Variants in ZNF85 observed in about 807,000 individuals in gnomAD.
ZNF85 encodes the protein zinc finger protein 85 (HPF4, HTF1).
Under a neutral mutation model 53.9 loss-of-function variants are expected in ZNF85, and 50 were observed. The observed-to-expected ratio is 0.93, with a 90% CI of 0.74 to 1.17. The LOEUF (loss-of-function observed/expected upper bound fraction) is 1.17. Among genes scored for constraint, ZNF85 ranks in the 50% most tolerant of loss-of-function variants. ZNF85 has a pLI of 0.00. For missense variants in ZNF85, 747 were observed against 688.5 expected (o/e 1.08, Z -0.95); for synonymous variants, 225 against 226.1 (o/e 1.00, Z 0.04).
intron 3 of ZNF85, among the ~76,000 whole-genome samples, chr19:20,940,003 C>T (rs111745507): frequency 0.012 from 1,806 of 151,670 alleles, 33 homozygotes; most frequent in African/African-American, 0.034. Flanking sequence ...GACCTCTTAG[C>T]TGATTTTCAG....
At chr19:20,945,293 T>A (rs1973393256) in intron 3 of ZNF85, among the ~76,000 whole-genome samples, 1 of 152,218 alleles carries the variant, frequency 6.6e-6, no homozygotes, top group East Asian at 1.9e-4. Context: ...ATTTTTTCCA[T>A]TTTGTAGCAC....
Position 20,950,407 on chromosome 19 carries a change from A to G in ZNF85, c.*105A>G. On this transcript the variant is annotated 3_prime_UTR_variant, in exon 4 of 4. Coordinates refer to ENST00000328178, the MANE Select transcript of ZNF85 (RefSeq NM_003429.5). ...GAAAGATGTGACAATAATTTTGACA[A>G]CACCTCAGACTTATAAAAGTAATCA... 1 of 783,352 alleles carries G rather than the reference A, an allele frequency of 1.3e-6. No individual in the cohort carries two copies. Among genetic ancestry groups the G allele is most frequent in the South Asian group, 2.6e-5 (1 of 38,192 alleles). 48.5% of individuals were successfully genotyped at this position (783,352 alleles called of 1,614,324 possible).
chr19:20,950,230 C>A lies in ZNF85; in HGVS notation c.1716C>A (p.Asp572Glu). 1 of 1,607,478 alleles carries A rather than the reference C, an allele frequency of 6.2e-7. No individual in the cohort carries two copies. Among genetic ancestry groups the A allele is most frequent in the South Asian group, 1.1e-5 (1 of 89,818 alleles). Residue 572 changes from aspartate (D) to glutamate (E), a missense_variant, in exon 4 of 4, where the codon GAC becomes GAA. By Grantham distance (45) the Asp-to-Glu change is conservative. Coordinates refer to ENST00000328178, the MANE Select transcript of ZNF85 (RefSeq NM_003429.5). ...AACCTTACAAATGTGAAGAATGTGA[C>A]AAAGCTTTTAAATGGTCCTCAGTCC... The part of the protein sequence containing the change: ...GEKPYKCEEC[D>E]KAFKWSSVLT...
chr19:20,948,885 G>A lies in ZNF85; in HGVS notation c.371G>A (p.Cys124Tyr), dbSNP rs1393152689. The change falls in exon 4 of 4, where the codon TGT (cysteine) becomes TAT (tyrosine). Residue 124 changes from cysteine (C) to tyrosine (Y), a missense_variant. Transcript: ENST00000328178. ...AAAGGCTGTGAAAGTATGGATGAGT[G>A]TAAGATGCACAAAGGAGGTTGTAAT... ...LRKGCESMDE[C>Y]KMHKGGCNGL... 6.2e-7 allele frequency: 1 copy of A among 1,613,720 alleles called. No individual in the cohort carries two copies. Among genetic ancestry groups the A allele is most frequent in the Admixed American group, 1.7e-5 (1 of 60,010 alleles).
chr19:20,943,182 T>C (rs1017292600), intron 3 of ZNF85: 19 of 259,400 alleles, frequency 7.3e-5, no homozygotes, highest in East Asian at 1.4e-4. Context: ...GTTTTGTACA[T>C]GTCTGTTAAT....
intron 3 of ZNF85, among the ~76,000 whole-genome samples, chr19:20,947,488 CTTTTTT>C (rs768097517): frequency 2.3e-4 from 12 of 51,638 alleles, no homozygotes; most frequent in South Asian, 8.7e-4. Context: ...TGCCAATACA[CTTTTTT>C]TTTTTTTTTT....
At chr19:20,947,163 T>C (rs1033461703) in intron 3 of ZNF85, among the ~76,000 whole-genome samples, 14 of 152,046 alleles carry the variant, frequency 9.2e-5, no homozygotes, top group African/African-American at 3.4e-4. Flanking sequence ...TATTTAATTA[T>C]GGTAAAAAAT....
chr19:20,949,503 C>G lies in ZNF85; in HGVS notation c.989C>G (p.Thr330Ser). Residue 330 changes from threonine (T) to serine (S), a missense_variant, in exon 4 of 4, where the codon ACT becomes AGT. Coordinates refer to ENST00000328178, the MANE Select transcript of ZNF85 (RefSeq NM_003429.5). Reference protein sequence around the residue: ...GKAFKQSSNLTTHKIIHTGEK... With the variant: ...GKAFKQSSNLSTHKIIHTGEK... ...GCCTTTAAGCAGTCCTCAAACCTTA[C>G]TACACATAAGATAATTCATACTGGA... 1 of 1,613,244 alleles carries G rather than the reference C, an allele frequency of 6.2e-7. No individual in the cohort carries two copies.
At chr19:20,933,226 A>G (rs960717698) in intron 1 of ZNF85, among the ~76,000 whole-genome samples, 5 of 151,780 alleles carry the variant, frequency 3.3e-5, no homozygotes, top group African/African-American at 1.2e-4. Context: ...GTCCTAGTGC[A>G]GTTCATGTTA....
In ZNF85 at chr19:20,949,236, A is replaced by G. The variant is rs1230469445; in HGVS notation, c.722A>G (p.Gln241Arg). The G allele has an allele frequency of 2.5e-6, 4 of 1,612,838 alleles. No individual in the cohort carries two copies. The highest frequency in any genetic ancestry group is 3.4e-6 in the Non-Finnish European group (4 of 1,179,488). The change falls in exon 4 of 4, where the codon CAG (glutamine) becomes CGG (arginine). Residue 241 changes from glutamine (Q) to arginine (R), a missense_variant. Transcript: ENST00000328178. ...GAAGAATGTGGTAAAGCCTTTAACC[A>G]GTCCTCAAACCTTATTAAACATAAG... The part of the protein sequence containing the change: ...KCEECGKAFN[Q>R]SSNLIKHKKI...
chr19:20,946,439 T>TCTTG (rs373723158), intron 3 of ZNF85: 42,003 of 344,834 alleles, frequency 0.12, 2,744 homozygotes, highest in Middle Eastern at 0.14. Flanking sequence ...CTAATATTCT[T>TCTTG]TTTTTTTATT....
intron 1 of ZNF85, among the ~76,000 whole-genome samples, chr19:20,931,614 CTTTTTCTTT>C (rs1302759808): frequency 3.2e-5 from 4 of 125,036 alleles, no homozygotes; most frequent in African/African-American, 1.5e-4. Context: ...TTTTCTTTTT[CTTTTTCTTT>C]TTTTTTTTTT....
chr19:20,948,133 C>G (rs1042010403), intron 3 of ZNF85, among the ~76,000 whole-genome samples: 1 of 152,006 alleles, frequency 6.6e-6, no homozygotes. Flanking sequence ...TAGGATGTGT[C>G]TTGTCTGAAA....
At chr19:20,923,464 C>T (rs1183822877) in intron 1 of ZNF85, 61 bp downstream of exon 1, 3 of 1,611,422 alleles carry the variant, frequency 1.9e-6, no homozygotes, top group East Asian at 2.2e-5. Context: ...CGGTGGGAAG[C>T]GGCTGTGGCG....
In ZNF85 at chr19:20,949,311, CTT is replaced by C. The variant is rs1973506854; in HGVS notation, c.800_801del (p.Phe267Ter). ...TACAAATGTGAAGAATGTGGCAAAA[CTT>C]TTAACCGATTCTCAACTCTTACTAC... On this transcript the variant is annotated frameshift_variant, in exon 4 of 4. Coordinates refer to ENST00000328178, the MANE Select transcript of ZNF85 (RefSeq NM_003429.5). LOFTEE classifies it high-confidence loss of function. 6 of 1,608,892 alleles carry C rather than the reference CTT, an allele frequency of 3.7e-6. No homozygotes were observed. Among genetic ancestry groups the C allele is most frequent in the Non-Finnish European group, 5.1e-6 (6 of 1,176,950 alleles).
At chr19:20,930,144 A>G (rs1208463490) in intron 1 of ZNF85, among the ~76,000 whole-genome samples, 1 of 147,796 alleles carries the variant, frequency 6.8e-6, no homozygotes, top group Non-Finnish European at 1.5e-5. Flanking sequence ...AAAAAAAAAG[A>G]AATCAGAGTT....
chr19:20,934,113 T>A lies in ZNF85; in HGVS notation c.93T>A (p.Asn31Lys), dbSNP rs2144623826. Residue 31 changes from asparagine to lysine, a missense_variant, in exon 2 of 4, where the codon AAT becomes AAA. Physicochemically the swap from Asn to Lys is moderately conservative, Grantham distance 94. Transcript: ENST00000328178. ...LDTAQRNLYR[N>K]VMLENYRNLV... ...CTGCACAGCGGAATTTATATAGAAA[T>A]GTGATGTTAGAGAACTACAGAAACC... 6.2e-7 allele frequency: 1 copy of A among 1,612,586 alleles called. No individual in the cohort carries two copies. Among genetic ancestry groups the A allele is most frequent in the Admixed American group, 1.7e-5 (1 of 59,906 alleles).
intron 1 of ZNF85, among the ~76,000 whole-genome samples, chr19:20,925,647 C>T (rs1489962993): frequency 6.6e-6 from 1 of 152,122 alleles, no homozygotes. Flanking sequence ...GTAAAATGCA[C>T]TTGGGGCAGT....
intron 1 of ZNF85, among the ~76,000 whole-genome samples, chr19:20,931,614 C>CTTTTT (rs1973020634): frequency 8.0e-6 from 1 of 125,034 alleles, no homozygotes; most frequent in Non-Finnish European, 1.6e-5. Context: ...TTTTCTTTTT[C>CTTTTT]TTTTTCTTTT....
Sources: gnomAD v4.1 joint callset for allele counts (sites outside exome capture counted in the v4.1 genomes callset) on GRCh38, gnomAD v4.1.1 for gene constraint, MANE v1.5 for transcripts, NCBI Gene and HGNC (gene_info 2026-07-23, HGNC 2026-07-21) for gene names.